IKBKE: variants seen among roughly 807,000 people sequenced by gnomAD.
IKBKE encodes inhibitor of nuclear factor kappa B kinase subunit epsilon, also known as inhibitor of nuclear factor kappa-B kinase subunit epsilon.
In IKBKE, 45 loss-of-function variants were observed where a neutral mutation model predicts 92.1. That is an observed-to-expected ratio of 0.49 (90% confidence interval 0.38 to 0.63). The LOEUF is 0.63. Among genes scored for constraint, IKBKE ranks in the 20% least tolerant of loss-of-function variants. The probability of loss-of-function intolerance (pLI) is 0.00; values close to 1 mark genes in which losing one functional copy is unlikely to be tolerated. For missense variants in IKBKE, 700 were observed against 932.8 expected, an observed-to-expected ratio of 0.75 and a Z score of 3.25; for synonymous variants, 374 against 380.3, an observed-to-expected ratio of 0.98 and a Z score of 0.19.
chr1:206,472,730 A>C lies in IKBKE; in HGVS notation c.-32-466A>C, dbSNP rs41295978. 2.1e-3 allele frequency: 450 copies of C among 210,960 alleles called. 4 individuals carry two copies. The highest frequency in any genetic ancestry group is 0.01 in the African/African-American group (422 of 41,830). The allele number at this position is 210,960 out of a possible 1,614,324, so 13.1% of individuals were successfully genotyped here. On this transcript the variant is annotated intron_variant, in intron 2 of 21. Transcript: ENST00000581977. The stretch of plus-strand genomic sequence containing the variant: ...GGGCTGGGGGAGTGGCTCTGGACTC[A>C]TGTTGCAATCCTGGAGATTTGTGGT...
chr1:206,481,755 G>A lies in IKBKE; in HGVS notation c.1427+1222G>A, dbSNP rs1034594098. ...TAGAGGCAACCACGGAGGCCTTCCTGAAGGATGAGGCTTTTTTTTTTTTTT... is the reference window on the plus strand; with the variant it reads ...TAGAGGCAACCACGGAGGCCTTCCTAAAGGATGAGGCTTTTTTTTTTTTTT... On this transcript the variant is annotated intron_variant, in intron 13 of 21. Transcript: ENST00000581977. Among the ~76,000 whole-genome samples, 7 of 136,046 alleles carry A rather than the reference G, an allele frequency of 5.1e-5. No homozygotes were observed. The East Asian group carries it at 9.7e-4, about 19-fold the overall frequency. 89.3% of individuals were successfully genotyped at this position (136,046 alleles called of 152,430 possible).
chr1:206,477,949 G>A, intron 8 of IKBKE, 90 bp downstream of exon 8: 1 of 995,058 alleles, frequency 1.0e-6, no homozygotes, highest in Non-Finnish European at 1.5e-6. Flanking sequence ...GCCTGTTCCA[G>A]CAGGTTCCGG....
intron 3 of IKBKE, among the ~76,000 whole-genome samples, chr1:206,474,044 T>G (rs34253940): frequency 0.32 from 48,562 of 150,268 alleles, 8,382 homozygotes; most frequent in Non-Finnish European, 0.37. Flanking sequence ...CCAGGGAGTG[T>G]TAGCTGCCCT....
Position 206,477,769 on chromosome 1 carries a change from A to C in IKBKE, c.722A>C (p.Lys241Thr). 1 of 1,566,050 alleles carries C rather than the reference A, an allele frequency of 6.4e-7. No homozygotes were observed. Among genetic ancestry groups the C allele is most frequent in the Non-Finnish European group, 8.7e-7 (1 of 1,155,578 alleles). Residue 241 changes from lysine to threonine, a missense_variant, in exon 8 of 22, where the codon AAG becomes ACG. Coordinates refer to ENST00000581977, the MANE Select transcript of IKBKE (RefSeq NM_014002.4). ...CGCAGGTACCGGATCACCACGGAGA[A>C]GCCGGCTGGGGCCATTGCAGGTGCC... ...KEIMYRITTEKPAGAIAGAQR... is the reference protein window; with the variant it reads ...KEIMYRITTETPAGAIAGAQR...
intron 13 of IKBKE, among the ~76,000 whole-genome samples, chr1:206,482,244 C>T (rs898940221): frequency 1.3e-5 from 2 of 152,128 alleles, no homozygotes; most frequent in Admixed American, 6.5e-5. Flanking sequence ...AAGCCAGAGG[C>T]GGACAGAGGT....
chr1:206,480,563 C>T (rs1553386831), intron 13 of IKBKE, 30 bp downstream of exon 13: 7 of 1,507,100 alleles, frequency 4.6e-6, no homozygotes, highest in African/African-American at 2.8e-5. Context: ...CAGCTGGGAC[C>T]TCTCAGCCCT....
intron 18 of IKBKE, chr1:206,492,254 C>T (rs1166343843): frequency 5.5e-6 from 2 of 365,882 alleles, no homozygotes; most frequent in African/African-American, 4.3e-5. Flanking sequence ...GTCACACTGT[C>T]CCCTTCAGGA....
intron 19 of IKBKE, 66 bp from the exon 20 acceptor site, chr1:206,493,200 A>C (rs1572269367): frequency 6.4e-7 from 1 of 1,555,282 alleles, no homozygotes; most frequent in Non-Finnish European, 8.8e-7. Context: ...CTCCTCCAGC[A>C]CTCCCCCTAC....
At chr1:206,491,094 A>C in intron 17 of IKBKE, 1 of 586,950 alleles carries the variant, frequency 1.7e-6, no homozygotes, top group Non-Finnish European at 3.0e-6. Context: ...TATGGACAAG[A>C]CTGTTTGCAG....
intron 13 of IKBKE, among the ~76,000 whole-genome samples, chr1:206,482,965 T>G (rs1665482057): frequency 1.3e-5 from 2 of 152,374 alleles, no homozygotes; most frequent in Non-Finnish European, 2.9e-5. Context: ...TCTCCCCCAG[T>G]GTGCATATCC....
intron 21 of IKBKE, among the ~76,000 whole-genome samples, chr1:206,495,606 A>G (rs1420772141): frequency 6.6e-6 from 1 of 152,224 alleles, no homozygotes; most frequent in Non-Finnish European, 1.5e-5. Context: ...CAAAGAGGAC[A>G]TTTGACAGCT....
At chr1:206,484,824 GC>G (rs1665570726) in intron 13 of IKBKE, among the ~76,000 whole-genome samples, 172 bp from the exon 14 acceptor site, 1 of 152,132 alleles carries the variant, frequency 6.6e-6, no homozygotes, top group African/African-American at 2.4e-5. Flanking sequence ...GGTAAGCAGG[GC>G]CCTCGTCAGG....
Position 206,496,709 on chromosome 1 carries a change from G to A in IKBKE, c.*564G>A, listed in dbSNP as rs1553392220. 4.3e-6 allele frequency: 1 copy of A among 233,476 alleles called. No individual in the cohort carries two copies. Among genetic ancestry groups the A allele is most frequent in the African/African-American group, 2.2e-5 (1 of 45,364 alleles). The allele number at this position is 233,476 out of a possible 1,614,324, so 14.5% of individuals were successfully genotyped here. Reference sequence around the variant, plus strand: ...TGTTCTTTCTATGCTTGGTCTGACTGAGCCTAAAGTTGAGAAAATGGGTGG... The same window carrying A: ...TGTTCTTTCTATGCTTGGTCTGACTAAGCCTAAAGTTGAGAAAATGGGTGG... On this transcript the variant is annotated 3_prime_UTR_variant, in exon 22 of 22. Transcript: ENST00000581977.
rs1666230269 is a variant in IKBKE, at chr1:206,496,190, C to T, written c.*45C>T. ...GCATCCTGAAGCATTAGAATGATTC[C>T]AACACTGCTCTTCTGCACCATGAGA... On this transcript the variant is annotated 3_prime_UTR_variant, in exon 22 of 22. Coordinates refer to ENST00000581977, the MANE Select transcript of IKBKE (RefSeq NM_014002.4). 6.6e-7 allele frequency: 1 copy of T among 1,508,730 alleles called. No homozygotes were observed. Among genetic ancestry groups the T allele is most frequent in the Admixed American group, 1.7e-5 (1 of 59,846 alleles). The allele number at this position is 1,508,730 out of a possible 1,614,324, so 93.5% of individuals were successfully genotyped here.
Position 206,478,390 on chromosome 1 carries a change from G to T in IKBKE, c.992+51G>T. On this transcript the variant is annotated intron_variant, in intron 9 of 21. Transcript: ENST00000581977. This position sits in a 1 kb window ranked among gnomAD's most constrained non-coding sequence, Gnocchi z 4.8. ...GGTGAGAACCTTCTCTACCCAAGCAGCAGTGCATGTCCAAAGCAGCATCTC... is the reference window on the plus strand; with the variant it reads ...GGTGAGAACCTTCTCTACCCAAGCATCAGTGCATGTCCAAAGCAGCATCTC... 6.4e-7 allele frequency: 1 copy of T among 1,560,966 alleles called. No homozygotes were observed.
chr1:206,473,336 G>A (rs1553384313), intron 3 of IKBKE, 22 bp downstream of exon 3: 2 of 1,563,340 alleles, frequency 1.3e-6, no homozygotes, highest in Admixed American at 1.8e-5. Flanking sequence ...CCCTGGCCAG[G>A]CCCTGTCCAG....
At position 206,490,017 on chromosome 1, in the gene IKBKE, A is replaced by G. The variant is rs933059015; in HGVS notation, c.1694-802A>G. Reference sequence around the variant, plus strand: ...CTCCCAAGTGGCACCTGTGATGGATAAGGAGACAGGCTCAGCGAAGTGAAA... The same window carrying G: ...CTCCCAAGTGGCACCTGTGATGGATGAGGAGACAGGCTCAGCGAAGTGAAA... On this transcript the variant is annotated intron_variant, in intron 16 of 21. Coordinates refer to ENST00000581977, the MANE Select transcript of IKBKE (RefSeq NM_014002.4). This position sits in a 1 kb window ranked among gnomAD's most constrained non-coding sequence, Gnocchi z 5.2. Among the ~76,000 whole-genome samples the G allele has an allele frequency of 6.6e-6, 1 of 152,208 alleles. No individual in the cohort carries two copies. The highest frequency in any genetic ancestry group is 1.5e-5 in the Non-Finnish European group (1 of 68,030).
chr1:206,485,194 C>A lies in IKBKE; in HGVS notation c.1504C>A (p.Leu502Ile). ...GGGGGTCTGCCTTTGTGCCCCACAG[C>A]TAGCGGAGGTCCTCTCCAGATGCTC... is the stretch of plus-strand genomic sequence containing the variant. ...AAELRSRLRT[L>I]AEVLSRCSQN... is the part of the protein sequence containing the mutation. Residue 502 changes from leucine to isoleucine, a missense_variant and splice_region_variant, in exon 15 of 22, where the codon CTA becomes ATA. Physicochemically the swap from Leu to Ile is conservative, Grantham distance 5. Coordinates refer to ENST00000581977, the MANE Select transcript of IKBKE (RefSeq NM_014002.4). This position sits in a 1 kb window ranked among gnomAD's most constrained non-coding sequence, Gnocchi z 5.0. 6.2e-7 allele frequency: 1 copy of A among 1,610,682 alleles called. No individual in the cohort carries two copies. The highest frequency in any genetic ancestry group is 8.5e-7 in the Non-Finnish European group (1 of 1,176,816).
Position 206,476,867 on chromosome 1 carries a change from G to A in IKBKE, c.701+29G>A. On this transcript the variant is annotated intron_variant, in intron 7 of 21. Transcript: ENST00000581977. This position sits in a 1 kb window ranked among gnomAD's most constrained non-coding sequence, Gnocchi z 5.1. The stretch of plus-strand genomic sequence containing the variant: ...CGGTGGGCCACAGGGCAGGGAATGG[G>A]GCGGACTGGCAGTCCCCTGGCCCTT... 1 of 1,612,386 alleles carries A rather than the reference G, an allele frequency of 6.2e-7. No homozygotes were observed. Among genetic ancestry groups the A allele is most frequent in the Non-Finnish European group, 8.5e-7 (1 of 1,178,632 alleles).
Sources: allele counts gnomAD v4.1 joint callset (sites outside exome capture counted in the v4.1 genomes callset), GRCh38; gene constraint gnomAD v4.1.1; non-coding constraint Gnocchi (gnomAD v3.1); transcripts MANE v1.5; gene names NCBI Gene and HGNC (gene_info 2026-07-23, HGNC 2026-07-21).